The following NAV2 variants were observed in gnomAD, a reference collection of about 807,000 sequenced individuals.
NAV2 encodes the protein neuron navigator 2, also known as helicase, APC down-regulated 1.
NAV2 carries 54 observed loss-of-function variants against 223.2 expected under a neutral mutation model. That is an observed-to-expected ratio of 0.24 (90% CI 0.19 to 0.30). The LOEUF is 0.30. NAV2 is among the 10% of genes least tolerant of loss of function. The pLI is 1.00. For missense variants in NAV2, 2,806 were observed against 3,147.5 expected (o/e 0.89, Z 2.60); for synonymous variants, 1,279 against 1,239.3 (o/e 1.03, Z -0.67).
intron 1 of NAV2, among the ~76,000 whole-genome samples, chr11:19,395,555 A>G (rs953950783): frequency 3.3e-5 from 5 of 152,232 alleles, no homozygotes; most frequent in African/African-American, 1.2e-4. Context: ...TCATCTTTGC[A>G]GGAGTCTGAA....
chr11:19,655,898 AT>A (rs1202105218), intron 1 of NAV2, among the ~76,000 whole-genome samples: 3 of 152,132 alleles, frequency 2.0e-5, no homozygotes, highest in East Asian at 1.9e-4. Context: ...ATAATAAAAA[AT>A]TTAAAAAAAA....
intron 1 of NAV2, among the ~76,000 whole-genome samples, chr11:19,512,856 T>G (rs149888799): frequency 6.6e-6 from 1 of 152,192 alleles, no homozygotes; most frequent in South Asian, 2.1e-4. Flanking sequence ...AACTGAATAT[T>G]TGTGCTGTGA....
Position 19,998,548 on chromosome 11 carries a change from A to G in NAV2, c.2768+14301A>G, listed in dbSNP as rs56114506. 0.013 allele frequency among the ~76,000 whole-genome samples: 2,016 copies of G among 152,190 alleles called. 43 individuals carry two copies. Among genetic ancestry groups the G allele is most frequent in the African/African-American group, 0.046 (1,907 of 41,492 alleles). On this transcript the variant is annotated intron_variant, in intron 11 of 37. Transcript: ENST00000349880. The surrounding 1 kb of genome is among the most constrained non-coding windows in gnomAD (Gnocchi z 5.0). ...GTCAGACTCCTTGCCGTGGCCTCCA[A>G]GGGGGTGTGTGTTCTGGCCCCTGCG... is the stretch of plus-strand genomic sequence containing the variant.
At position 19,713,220 on chromosome 11, in the gene NAV2, T is replaced by C; in HGVS notation, c.-476T>C. 6 of 722,006 alleles carry C rather than the reference T, an allele frequency of 8.3e-6. No homozygotes were observed. Among genetic ancestry groups the C allele is most frequent in the Non-Finnish European group, 8.5e-6 (5 of 588,526 alleles). 44.7% of individuals were successfully genotyped at this position (722,006 alleles called of 1,614,324 possible). ...CTGCTGTCTCCTTTCCTTCCTTGGC[T>C]GCTCGCTCTTTCTCTCGCCGGCTCA... On this transcript the variant is annotated 5_prime_UTR_variant, in exon 1 of 38. Coordinates refer to ENST00000349880, the MANE Select transcript of NAV2 (RefSeq NM_145117.5). The surrounding 1 kb of genome is among the most constrained non-coding windows in gnomAD (Gnocchi z 7.2).
chr11:19,722,823 GAC>G (rs1441666773), intron 1 of NAV2, among the ~76,000 whole-genome samples: 1 of 152,196 alleles, frequency 6.6e-6, no homozygotes, highest in East Asian at 1.9e-4. Flanking sequence ...AGGAGACAGA[GAC>G]ACAGAGTGGG....
intron 6 of NAV2, among the ~76,000 whole-genome samples, chr11:19,914,988 C>T (rs1414345308): frequency 6.6e-6 from 1 of 152,188 alleles, no homozygotes; most frequent in East Asian, 1.9e-4. Flanking sequence ...TACTTTTCTC[C>T]CCTTCTCTCC....
Position 19,714,894 on chromosome 11 carries a change from G to A in NAV2, c.267+932G>A, listed in dbSNP as rs564356551. Among the ~76,000 whole-genome samples the A allele has an allele frequency of 7.9e-5, 12 of 152,280 alleles. 1 individual carries two copies. The South Asian group carries it at 2.5e-3, about 32-fold the overall frequency. On this transcript the variant is annotated intron_variant, in intron 1 of 37. Coordinates refer to ENST00000349880, the MANE Select transcript of NAV2 (RefSeq NM_145117.5). The stretch of plus-strand genomic sequence containing the variant: ...AGGAGGGGGCTATATTTTCTTGGCA[G>A]TCAGTCAGCAGGGACTTTTGGGGAC...
chr11:20,104,153 G>C (rs1362119090), intron 34 of NAV2: 1 of 194,130 alleles, frequency 5.2e-6, no homozygotes, highest in Non-Finnish European at 1.1e-5. Flanking sequence ...CACCTAGCTG[G>C]GTCTGTGGGC....
chr11:19,740,935 C>T (rs112349077), intron 1 of NAV2, among the ~76,000 whole-genome samples: 14 of 152,316 alleles, frequency 9.2e-5, no homozygotes, highest in Middle Eastern at 3.4e-3. Context: ...GCCCACACTC[C>T]TAACCTCTTC....
At chr11:19,665,600 A>G (rs751042292) in intron 1 of NAV2, among the ~76,000 whole-genome samples, 23 of 152,208 alleles carry the variant, frequency 1.5e-4, no homozygotes, top group Non-Finnish European at 2.9e-4. Flanking sequence ...TAAAAGCCCT[A>G]AGAGACTGTA....
chr11:19,951,448 A>G (rs958185051), intron 10 of NAV2, among the ~76,000 whole-genome samples: 1 of 152,160 alleles, frequency 6.6e-6, no homozygotes, highest in East Asian at 1.9e-4. Context: ...TGAATTTCAC[A>G]TAATGTAATC....
intron 11 of NAV2, among the ~76,000 whole-genome samples, chr11:20,000,135 G>A (rs1290456973): frequency 1.3e-5 from 2 of 152,172 alleles, no homozygotes; most frequent in Non-Finnish European, 2.9e-5. Context: ...TAAGGCCTGA[G>A]ACCCTGATGG....
In NAV2 at chr11:19,720,826, T is replaced by TAA. The variant is rs2050693570; in HGVS notation, c.267+6865_267+6866dup. On this transcript the variant is annotated intron_variant, in intron 1 of 37. Coordinates refer to ENST00000349880, the MANE Select transcript of NAV2 (RefSeq NM_145117.5). ...CTCTAGGACTTAGCAACTTTGGTTC[T>TAA]AATTCTGTCTCTTTAGTCACCTTGC... Among the ~76,000 whole-genome samples, 4 of 152,372 alleles carry TAA rather than the reference T, an allele frequency of 2.6e-5. No individual in the cohort carries two copies. The South Asian group carries it at 8.3e-4, about 32-fold the overall frequency.
intron 1 of NAV2, among the ~76,000 whole-genome samples, chr11:19,534,236 G>C (rs1590435507): frequency 6.6e-6 from 1 of 152,212 alleles, no homozygotes; most frequent in East Asian, 1.9e-4. Context: ...TTGCTTATTT[G>C]TTTATTGCTT....
intron 1 of NAV2, among the ~76,000 whole-genome samples, chr11:19,669,734 T>G (rs932604510): frequency 6.6e-6 from 1 of 152,186 alleles, no homozygotes; most frequent in Admixed American, 6.5e-5. Flanking sequence ...CAGTACCCTA[T>G]CCAGTTCCCT....
chr11:19,912,524 C>A (rs184773122), intron 6 of NAV2, among the ~76,000 whole-genome samples: 204 of 152,280 alleles, frequency 1.3e-3, no homozygotes, highest in African/African-American at 4.7e-3. Flanking sequence ...CTTTGTGTCC[C>A]CATAACTGGC....
At chr11:19,346,441 G>A (rs1396327381), upstream of NAV2, among the ~76,000 whole-genome samples, 1 of 152,178 alleles carries the variant, frequency 6.6e-6, no homozygotes, top group East Asian at 1.9e-4. Flanking sequence ...CGGGCGGCGG[G>A]CTAGGGCGCG....
chr11:19,677,972 G>A (rs984802073), intron 1 of NAV2, among the ~76,000 whole-genome samples: 2 of 152,178 alleles, frequency 1.3e-5, no homozygotes, highest in African/African-American at 4.8e-5. Context: ...GAAACTGCTG[G>A]CCACAATCCC....
chr11:19,441,138 T>G (rs1215740067), intron 1 of NAV2, among the ~76,000 whole-genome samples: 1 of 151,770 alleles, frequency 6.6e-6, no homozygotes, highest in African/African-American at 2.4e-5. Flanking sequence ...CAAAAGGAGG[T>G]GGGAAGAATG....
Sources: gnomAD v4.1 joint callset for allele counts (sites outside exome capture counted in the v4.1 genomes callset) on GRCh38, gnomAD v4.1.1 for gene constraint, Gnocchi (gnomAD v3.1) non-coding constraint, MANE v1.5 for transcripts, NCBI Gene and HGNC (gene_info 2026-07-23, HGNC 2026-07-21) for gene names.